Variants in FRRS1 observed in about 807,000 individuals in gnomAD.
FRRS1 encodes the protein ferric chelate reductase 1.
FRRS1 carries 51 observed loss-of-function variants against 70.7 expected under a neutral mutation model. The observed-to-expected ratio is 0.72, with a 90% CI of 0.58 to 0.91. The LOEUF is 0.91. Among genes scored for constraint, FRRS1 ranks in the 40% least tolerant of loss-of-function variants. The probability of loss-of-function intolerance (pLI) is 0.00; values close to 1 mark genes in which losing one functional copy is unlikely to be tolerated. For synonymous variants in FRRS1, 225 were observed against 238.7 expected (o/e 0.94, Z 0.53); for missense variants, 672 against 726.0 (o/e 0.93, Z 0.86).
chr1:99,736,623 G>T (rs1655670696), intron 7 of FRRS1, among the ~76,000 whole-genome samples: 1 of 104,002 alleles, frequency 9.6e-6, no homozygotes, highest in Admixed American at 9.3e-5. Flanking sequence ...CTGTTGTGGG[G>T]TGGGGAGAGT....
In FRRS1 at chr1:99,761,995, T is replaced by C. The variant is rs560831664; in HGVS notation, c.-106+4612A>G. 3.3e-5 allele frequency among the ~76,000 whole-genome samples: 5 copies of C among 152,272 alleles called. No individual in the cohort carries two copies. The South Asian group carries it at 1.0e-3, about 32-fold the overall frequency. On this transcript the variant is annotated intron_variant, in intron 1 of 16. Coordinates refer to ENST00000646001, the MANE Select transcript of FRRS1 (RefSeq NM_001361041.2). ...GGTACTATTGTCCCCATATGTAAAA[T>C]AGGGCACTGATTAAGACACTTGCCA...
chr1:99,721,785 G>A (rs1654839992), intron 9 of FRRS1, among the ~76,000 whole-genome samples: 1 of 151,722 alleles, frequency 6.6e-6, no homozygotes, highest in Non-Finnish European at 1.5e-5. Flanking sequence ...TTTTAGTAGA[G>A]ACGGGGTTTC....
At chr1:99,721,890 C>T (rs1231422037) in intron 9 of FRRS1, among the ~76,000 whole-genome samples, 3 of 152,198 alleles carry the variant, frequency 2.0e-5, no homozygotes, top group Admixed American at 2.0e-4. Context: ...AGCAACCACG[C>T]CCGGTCGAAA....
chr1:99,752,238 G>A (rs972063414), intron 1 of FRRS1, among the ~76,000 whole-genome samples: 5 of 152,138 alleles, frequency 3.3e-5, no homozygotes, highest in African/African-American at 9.7e-5. Flanking sequence ...TTTACAACTT[G>A]GCTGACTGGA....
chr1:99,727,503 T>C (rs1185520140), intron 9 of FRRS1, among the ~76,000 whole-genome samples: 1 of 152,236 alleles, frequency 6.6e-6, no homozygotes, highest in Non-Finnish European at 1.5e-5. Flanking sequence ...TCCTAAATTT[T>C]AACATTGAGC....
chr1:99,751,378 A>C (rs1656559814), intron 1 of FRRS1, among the ~76,000 whole-genome samples: 1 of 152,130 alleles, frequency 6.6e-6, no homozygotes, highest in South Asian at 2.1e-4. Context: ...TCACAAGTCA[A>C]TTTCCATAAT....
intron 1 of FRRS1, among the ~76,000 whole-genome samples, chr1:99,763,677 T>A (rs1336837441): frequency 1.3e-5 from 2 of 152,112 alleles, no homozygotes; most frequent in Non-Finnish European, 2.9e-5. Flanking sequence ...GAGACCAGCC[T>A]GACCAACATG....
chr1:99,729,529 T>G (rs1655242723), intron 8 of FRRS1, 121 bp downstream of exon 8: 4 of 589,520 alleles, frequency 6.8e-6, no homozygotes, highest in Non-Finnish European at 1.2e-5. Context: ...GGCAGGCCCC[T>G]GCTCAGGCTA....
chr1:99,743,528 A>G (rs1010193917), intron 4 of FRRS1, among the ~76,000 whole-genome samples: 2 of 152,240 alleles, frequency 1.3e-5, no homozygotes, highest in Non-Finnish European at 2.9e-5. Context: ...TTTATCATTT[A>G]CTACCATAAA....
intron 1 of FRRS1, among the ~76,000 whole-genome samples, chr1:99,752,332 G>A (rs35893583): frequency 0.046 from 6,949 of 152,164 alleles, 233 homozygotes; most frequent in South Asian, 0.17. Context: ...TTTATTGAAA[G>A]TGAAAGATAT....
In FRRS1 at chr1:99,708,855, C is replaced by G; in HGVS notation, c.*173G>C. 7.4e-7 allele frequency: 1 copy of G among 1,342,726 alleles called. No individual in the cohort carries two copies. The highest frequency in any genetic ancestry group is 1.1e-6 in the Non-Finnish European group (1 of 935,658). The allele number at this position is 1,342,726 out of a possible 1,614,324, so 83.2% of individuals were successfully genotyped here. On this transcript the variant is annotated 3_prime_UTR_variant, in exon 17 of 17. Transcript: ENST00000646001. ...GACATTAATTTATAGTCTATATGACCCTCTTGAATGTTGTTCTCTAAAGGC... is the reference window on the plus strand; with the variant it reads ...GACATTAATTTATAGTCTATATGACGCTCTTGAATGTTGTTCTCTAAAGGC...
At chr1:99,713,633 G>GCTTTTC (rs771542524) in intron 12 of FRRS1, among the ~76,000 whole-genome samples, 3 of 152,118 alleles carry the variant, frequency 2.0e-5, no homozygotes, top group Non-Finnish European at 4.4e-5. Context: ...CATAATAAAA[G>GCTTTTC]CACAGGCTCT....
intron 1 of FRRS1, among the ~76,000 whole-genome samples, chr1:99,754,446 T>C (rs908594332): frequency 6.6e-6 from 1 of 151,738 alleles, no homozygotes; most frequent in Admixed American, 6.6e-5. Context: ...ACCACACCCC[T>C]GCACTCCTGC....
rs1654029807 is a variant in FRRS1, at chr1:99,706,109, A to G, written c.*2919T>C. On this transcript the variant is annotated 3_prime_UTR_variant, in exon 17 of 17. Transcript: ENST00000646001. Reference sequence around the variant, plus strand: ...CAAAAGATTTGGTCTATTTGGGGCCAGGTGCAATGGCTCATGCCTATAATC... The same window carrying G: ...CAAAAGATTTGGTCTATTTGGGGCCGGGTGCAATGGCTCATGCCTATAATC... Among the ~76,000 whole-genome samples the G allele has an allele frequency of 6.6e-6, 1 of 152,112 alleles. No individual in the cohort carries two copies. The highest frequency in any genetic ancestry group is 1.5e-5 in the Non-Finnish European group (1 of 68,020).
intron 1 of FRRS1, among the ~76,000 whole-genome samples, chr1:99,751,193 A>G (rs1011623431): frequency 2.6e-5 from 4 of 152,110 alleles, no homozygotes; most frequent in Non-Finnish European, 4.4e-5. Context: ...CCTTAAAACC[A>G]CAGGACTTAC....
At chr1:99,750,970 G>C (rs1571149424) in intron 1 of FRRS1, among the ~76,000 whole-genome samples, 1 of 152,150 alleles carries the variant, frequency 6.6e-6, no homozygotes, top group East Asian at 1.9e-4. Flanking sequence ...TATTATTTCT[G>C]GAAGTGTCTA....
chr1:99,723,574 A>G lies in FRRS1; in HGVS notation c.1007-3927T>C, dbSNP rs150956414. 3.2e-3 allele frequency among the ~76,000 whole-genome samples: 495 copies of G among 152,318 alleles called. 18 individuals are homozygous for G. The South Asian group carries it at 0.068, about 21-fold the overall frequency. ...AGTTTATCTAGAAGAACAGATACAT[A>G]TGAAGAAGCAAAAATTCTTGAAAAA... On this transcript the variant is annotated intron_variant, in intron 9 of 16. Transcript: ENST00000646001.
chr1:99,726,679 T>C (rs1655091063), intron 9 of FRRS1, among the ~76,000 whole-genome samples: 1 of 152,228 alleles, frequency 6.6e-6, no homozygotes, highest in South Asian at 2.1e-4. Context: ...GACCTTTTCC[T>C]CATTAAAAAT....
At chr1:99,753,888 T>C (rs542699073) in intron 1 of FRRS1, among the ~76,000 whole-genome samples, 2 of 152,228 alleles carry the variant, frequency 1.3e-5, no homozygotes, top group African/African-American at 4.8e-5. Context: ...ATGTGTTTTC[T>C]ACAGGACACC....
Sources: allele counts gnomAD v4.1 joint callset (sites outside exome capture counted in the v4.1 genomes callset), GRCh38; gene constraint gnomAD v4.1.1; transcripts MANE v1.5; gene names NCBI Gene and HGNC (gene_info 2026-07-23, HGNC 2026-07-21).